The following JARID2 variants were observed in gnomAD, a reference collection of about 807,000 sequenced individuals.
JARID2 encodes protein Jumonji.
JARID2 carries 21 observed loss-of-function variants against 125.6 expected under a neutral mutation model. The observed-to-expected ratio is 0.17, with a 90% CI of 0.12 to 0.24. The LOEUF (loss-of-function observed/expected upper bound fraction) is 0.24, where lower values mean the gene tolerates loss of function less well. Among genes scored for constraint, JARID2 ranks in the 10% least tolerant of loss-of-function variants. The pLI is 1.00. For synonymous variants in JARID2, 736 were observed against 661.6 expected (o/e 1.11, Z -1.73); for missense variants, 1,303 against 1,639.6 (o/e 0.79, Z 3.55).
chr6:15,517,300 G>A (rs368776617), intron 17 of JARID2, 32 bp downstream of exon 17: 231 of 1,456,612 alleles, frequency 1.6e-4, no homozygotes, highest in Non-Finnish European at 2.1e-4. Flanking sequence ...AGGGCAGGGC[G>A]GCAGCGTGGC....
chr6:15,301,869 T>C (rs1019337676), intron 1 of JARID2, among the ~76,000 whole-genome samples: 1 of 152,220 alleles, frequency 6.6e-6, no homozygotes, highest in Non-Finnish European at 1.5e-5. Context: ...GAAAGAGAAC[T>C]ACTTTTCTGG....
chr6:15,375,419 T>C (rs1764315675), intron 2 of JARID2, among the ~76,000 whole-genome samples: 1 of 152,198 alleles, frequency 6.6e-6, no homozygotes, highest in African/African-American at 2.4e-5. Flanking sequence ...GGCTCAGTCA[T>C]GTGTGCGTCT....
At chr6:15,277,594 C>A (rs181790923) in intron 1 of JARID2, among the ~76,000 whole-genome samples, 1 of 152,132 alleles carries the variant, frequency 6.6e-6, no homozygotes, top group East Asian at 1.9e-4. Flanking sequence ...AACAAAGGTC[C>A]GACAGTCTTT....
chr6:15,466,936 G>A (rs906336475), intron 4 of JARID2, among the ~76,000 whole-genome samples: 8 of 152,198 alleles, frequency 5.3e-5, no homozygotes, highest in Non-Finnish European at 1.0e-4. Context: ...CAATCAAGGG[G>A]AGGGGAACAA....
intron 3 of JARID2, among the ~76,000 whole-genome samples, chr6:15,421,267 A>G (rs1020728555): frequency 1.3e-5 from 2 of 152,160 alleles, no homozygotes; most frequent in Non-Finnish European, 2.9e-5. Flanking sequence ...CAGACAGGCA[A>G]GAGGTATAAA....
chr6:15,518,425 C>T (rs1346375635), intron 17 of JARID2, among the ~76,000 whole-genome samples: 1 of 152,196 alleles, frequency 6.6e-6, no homozygotes, highest in African/African-American at 2.4e-5. Context: ...AAACTGCATA[C>T]TCTGTAGTGG....
At chr6:15,497,519 G>A (rs966612351) in intron 7 of JARID2, among the ~76,000 whole-genome samples, 2 of 152,004 alleles carry the variant, frequency 1.3e-5, no homozygotes, top group African/African-American at 4.8e-5. Context: ...GCGTGGTGGC[G>A]GGGGCCTGTA....
intron 6 of JARID2, among the ~76,000 whole-genome samples, chr6:15,488,678 C>T (rs144894627): frequency 6.6e-6 from 1 of 152,140 alleles, no homozygotes; most frequent in Non-Finnish European, 1.5e-5. Flanking sequence ...GAACATGTGA[C>T]TATAGTCACA....
intron 4 of JARID2, among the ~76,000 whole-genome samples, chr6:15,462,210 G>A (rs1482307758): frequency 3.3e-5 from 5 of 152,166 alleles, no homozygotes; most frequent in Admixed American, 6.5e-5. Context: ...TGGAGCATCT[G>A]GATCTGGCAA....
At chr6:15,289,887 AGCACTGTGTATT>A (rs1242071077) in intron 1 of JARID2, among the ~76,000 whole-genome samples, 1 of 152,198 alleles carries the variant, frequency 6.6e-6, no homozygotes, top group Non-Finnish European at 1.5e-5. Context: ...TGGGACAAGA[AGCACTGTGTATT>A]GCACTTGGCA....
chr6:15,489,701 G>T (rs1248063139), intron 6 of JARID2, among the ~76,000 whole-genome samples: 24 of 152,232 alleles, frequency 1.6e-4, no homozygotes, highest in Admixed American at 3.3e-4. Flanking sequence ...CAGGAAAGAG[G>T]TCCTGGGGTG....
chr6:15,424,655 C>T (rs1240340859), intron 3 of JARID2, among the ~76,000 whole-genome samples: 1 of 151,998 alleles, frequency 6.6e-6, no homozygotes, highest in Non-Finnish European at 1.5e-5. Flanking sequence ...GTCGGGAGTT[C>T]GAGACCAGTG....
At chr6:15,398,692 T>TA (rs1178809510) in intron 2 of JARID2, among the ~76,000 whole-genome samples, 15 of 152,226 alleles carry the variant, frequency 9.9e-5, no homozygotes, top group African/African-American at 3.6e-4. Flanking sequence ...TCTTATTTCT[T>TA]AAAATTTAAA....
At chr6:15,413,873 C>T (rs1226061923) in intron 3 of JARID2, among the ~76,000 whole-genome samples, 4 of 152,152 alleles carry the variant, frequency 2.6e-5, no homozygotes, top group Non-Finnish European at 5.9e-5. Flanking sequence ...AAGATCTCAC[C>T]CTCTCAGCAC....
At chr6:15,435,722 TAATTTTA>T (rs1767171429) in intron 3 of JARID2, among the ~76,000 whole-genome samples, 1 of 151,906 alleles carries the variant, frequency 6.6e-6, no homozygotes, top group South Asian at 2.1e-4. Flanking sequence ...TTTATTTTTT[TAATTTTA>T]AATAAATACA....
intron 13 of JARID2, among the ~76,000 whole-genome samples, 153 bp downstream of exon 13, chr6:15,511,554 C>T (rs2235259): frequency 6.6e-6 from 1 of 152,090 alleles, no homozygotes; most frequent in African/African-American, 2.4e-5. Flanking sequence ...ACACAAAAGC[C>T]AAACTGACCT....
chr6:15,434,575 T>G (rs1361620288), intron 3 of JARID2, among the ~76,000 whole-genome samples: 2 of 152,228 alleles, frequency 1.3e-5, no homozygotes, highest in Non-Finnish European at 2.9e-5. Flanking sequence ...AACCCATTCA[T>G]TTATCCAAGT....
chr6:15,442,693 A>G (rs1767499719), intron 3 of JARID2, among the ~76,000 whole-genome samples: 1 of 152,200 alleles, frequency 6.6e-6, no homozygotes, highest in South Asian at 2.1e-4. Flanking sequence ...ACAGAACAAA[A>G]GGGCTTTGTT....
At chr6:15,286,391 A>G (rs1356767621) in intron 1 of JARID2, among the ~76,000 whole-genome samples, 3 of 151,106 alleles carry the variant, frequency 2.0e-5, no homozygotes, top group Non-Finnish European at 2.9e-5. Flanking sequence ...AGCTGGGATT[A>G]CAGGTGCCCA....
Sources: allele counts gnomAD v4.1 joint callset (sites outside exome capture counted in the v4.1 genomes callset), GRCh38; gene constraint gnomAD v4.1.1; transcripts MANE v1.5; gene names NCBI Gene and HGNC (gene_info 2026-07-23, HGNC 2026-07-21).